ADCY9: variants seen among roughly 807,000 people sequenced by gnomAD.
The protein encoded by ADCY9 is adenylate cyclase type 9.
Under a neutral mutation model 101.5 loss-of-function variants are expected in ADCY9, and 50 were observed. The ratio of observed to expected loss-of-function variants is 0.49; its 90% CI spans 0.39 to 0.62. The LOEUF is 0.62. ADCY9 is among the 20% of genes least tolerant of loss of function. The probability of loss-of-function intolerance (pLI) is 0.00; values close to 1 mark genes in which losing one functional copy is unlikely to be tolerated. For missense variants in ADCY9, 1,662 were observed against 1,800.4 expected, an observed-to-expected ratio of 0.92 and a Z score of 1.39; for synonymous variants, 905 against 769.3, an observed-to-expected ratio of 1.18 and a Z score of -2.92.
intron 2 of ADCY9, among the ~76,000 whole-genome samples, chr16:4,044,027 G>C (rs1201656049): frequency 6.6e-6 from 1 of 151,904 alleles, no homozygotes; most frequent in Non-Finnish European, 1.5e-5. Flanking sequence ...AGCTTAACTA[G>C]AACCATCTAA....
At position 4,007,539 on chromosome 16, in the gene ADCY9, T is replaced by C; in HGVS notation, c.1713A>G (p.Ile571Met). The C allele has an allele frequency of 6.2e-7, 1 of 1,609,574 alleles. No individual in the cohort carries two copies. Among genetic ancestry groups the C allele is most frequent in the Non-Finnish European group, 8.5e-7 (1 of 1,178,684 alleles). Residue 571 changes from isoleucine (I) to methionine (M), a missense_variant, in exon 3 of 11, where the codon ATA becomes ATG. Ile to Met is a conservative substitution (Grantham distance 10). Around this residue, in one of 5 missense-constraint regions of ADCY9, gnomAD observed 624 missense variants for 639.1 expected, o/e 0.98. Transcript: ENST00000294016. Reference sequence around the variant, plus strand: ...GAGACTCCTTGGCTCTCTGACCCGATATCAGGTATGTCTTCAAACCTATGA... The same window carrying C: ...GAGACTCCTTGGCTCTCTGACCCGACATCAGGTATGTCTTCAAACCTATGA... ...DQLKGLKTYL[I>M]SGQRAKESRC...
At chr16:4,076,552 T>C (rs2056868450) in intron 2 of ADCY9, among the ~76,000 whole-genome samples, 1 of 152,222 alleles carries the variant, frequency 6.6e-6, no homozygotes, top group Non-Finnish European at 1.5e-5. Context: ...TAAGTGGATC[T>C]TGTGATAACC....
Position 4,114,943 on chromosome 16 carries a change from A to C in ADCY9, c.500T>G (p.Leu167Arg), listed in dbSNP as rs777817807. 3 of 1,613,876 alleles carry C rather than the reference A, an allele frequency of 1.9e-6. No individual in the cohort carries two copies. The highest frequency in any genetic ancestry group is 8.5e-7 in the Non-Finnish European group (1 of 1,180,044). ...VGFFLFTFTK[L>R]YARHYAWTSL... Reference sequence around the variant, plus strand: ...GGTCCACGCGTAATGCCGGGCGTACAGCTTGGTGAAGGTAAACAGAAAGAA... The same window carrying C: ...GGTCCACGCGTAATGCCGGGCGTACCGCTTGGTGAAGGTAAACAGAAAGAA... The change falls in exon 2 of 11, where the codon CTG becomes CGG. Residue 167 changes from leucine to arginine, a missense_variant. Physicochemically the swap from Leu to Arg is moderately radical, Grantham distance 102. This residue lies in a region of ADCY9 where 422 missense variants were observed against 392.0 expected (regional missense o/e 1.08). Transcript: ENST00000294016. This position sits in a 1 kb window ranked among gnomAD's most constrained non-coding sequence, Gnocchi z 4.3.
chr16:4,026,825 G>A (rs539264189), intron 2 of ADCY9, among the ~76,000 whole-genome samples: 12 of 152,312 alleles, frequency 7.9e-5, no homozygotes, highest in Non-Finnish European at 1.6e-4. Flanking sequence ...TTGCTGGGTC[G>A]GCAGGGGCCT....
chr16:4,043,998 C>T (rs775364477), intron 2 of ADCY9, among the ~76,000 whole-genome samples: 2 of 151,996 alleles, frequency 1.3e-5, no homozygotes, highest in Admixed American at 6.5e-5. Context: ...TAGTTTCTTC[C>T]TTTTTAAAAA....
At chr16:4,106,815 T>C (rs1054192520) in intron 2 of ADCY9, among the ~76,000 whole-genome samples, 3 of 152,176 alleles carry the variant, frequency 2.0e-5, no homozygotes, top group East Asian at 1.9e-4. Context: ...GCAAAGTACA[T>C]AGGCAACGCT....
chr16:4,036,514 G>A lies in ADCY9; in HGVS notation c.1694-28956C>T, dbSNP rs189154424. Among the ~76,000 whole-genome samples the A allele has an allele frequency of 2.7e-3, 377 of 141,292 alleles. 1 individual carries two copies. The highest frequency in any genetic ancestry group is 9.6e-3 in the African/African-American group (367 of 38,316). 92.7% of individuals were successfully genotyped at this position (141,292 alleles called of 152,430 possible). On this transcript the variant is annotated intron_variant, in intron 2 of 10. Coordinates refer to ENST00000294016, the MANE Select transcript of ADCY9 (RefSeq NM_001116.4). ...ATCTCGCTCTGTCACCCAGGCTGGA[G>A]TGCAGTGGTGCAATCTCGGCTCACT... is the stretch of plus-strand genomic sequence containing the variant.
intron 2 of ADCY9, among the ~76,000 whole-genome samples, chr16:4,010,733 C>T (rs754627906): frequency 3.5e-4 from 54 of 152,144 alleles, no homozygotes; most frequent in Non-Finnish European, 1.8e-4. Context: ...TGAGAAGCCT[C>T]AGGAAGGAAG....
rs1301275209 is a variant in ADCY9, at chr16:4,113,742, G to A, written c.1693+8C>T. On this transcript the variant is annotated splice_region_variant and intron_variant, in intron 2 of 10. Coordinates refer to ENST00000294016, the MANE Select transcript of ADCY9 (RefSeq NM_001116.4). Reference sequence around the variant, plus strand: ...AGGGGGGATGCCGAGGTAAAGCAGTGCACATACCTTTCAACTGGTCAGCAA... The same window carrying A: ...AGGGGGGATGCCGAGGTAAAGCAGTACACATACCTTTCAACTGGTCAGCAA... 1.2e-6 allele frequency: 2 copies of A among 1,609,778 alleles called. No homozygotes were observed. The highest frequency in any genetic ancestry group is 2.2e-5 in the East Asian group (1 of 44,782).
chr16:4,052,231 C>T (rs2056706244), intron 2 of ADCY9, among the ~76,000 whole-genome samples: 1 of 152,182 alleles, frequency 6.6e-6, no homozygotes, highest in Admixed American at 6.5e-5. Flanking sequence ...GGAACAGCCC[C>T]AGATTGAAGG....
intron 2 of ADCY9, among the ~76,000 whole-genome samples, chr16:4,106,126 G>A (rs925131011): frequency 2.6e-5 from 4 of 152,188 alleles, no homozygotes; most frequent in Admixed American, 6.5e-5. Context: ...TTTTTTACAA[G>A]TGCAATGCTA....
intron 2 of ADCY9, among the ~76,000 whole-genome samples, chr16:4,057,758 C>A (rs761902628): frequency 6.6e-6 from 1 of 152,130 alleles, no homozygotes; most frequent in Non-Finnish European, 1.5e-5. Flanking sequence ...GGAGCATTTA[C>A]GGCGTGTTCT....
chr16:4,065,528 C>A (rs895249851), intron 2 of ADCY9, among the ~76,000 whole-genome samples: 1 of 152,120 alleles, frequency 6.6e-6, no homozygotes, highest in Non-Finnish European at 1.5e-5. Flanking sequence ...GAATGTCGCA[C>A]GTCAATGTAC....
downstream of ADCY9, among the ~76,000 whole-genome samples, chr16:3,960,505 G>C (rs369364926): frequency 1.3e-3 from 202 of 152,250 alleles, no homozygotes; most frequent in African/African-American, 4.4e-3. Flanking sequence ...CTGGGCGAGA[G>C]AGCCAGACTC....
chr16:4,080,467 G>C (rs1260275323), intron 2 of ADCY9, among the ~76,000 whole-genome samples: 1 of 151,996 alleles, frequency 6.6e-6, no homozygotes, highest in African/African-American at 2.4e-5. Context: ...ACGTTGGCCA[G>C]GCTAGTCTCA....
intron 9 of ADCY9, 122 bp from the exon 10 acceptor site, chr16:3,974,832 A>T: frequency 4.1e-6 from 3 of 730,340 alleles, no homozygotes; most frequent in South Asian, 1.6e-5. Context: ...ATCCACATAA[A>T]GCCACCTGCT....
At chr16:4,055,542 A>G (rs1471543027) in intron 2 of ADCY9, among the ~76,000 whole-genome samples, 1 of 149,296 alleles carries the variant, frequency 6.7e-6, no homozygotes, top group Middle Eastern at 3.2e-3. Context: ...TCAAAAAGGA[A>G]AAAAAAAAAG....
chr16:4,078,905 T>C (rs1037145183), intron 2 of ADCY9, among the ~76,000 whole-genome samples: 2 of 152,074 alleles, frequency 1.3e-5, no homozygotes, highest in African/African-American at 2.4e-5. Context: ...AACACACATA[T>C]GAAAAAGAGA....
intron 5 of ADCY9, among the ~76,000 whole-genome samples, chr16:3,953,670 T>C (rs1189920782): frequency 6.6e-6 from 1 of 152,182 alleles, no homozygotes; most frequent in East Asian, 1.9e-4. Flanking sequence ...TGGATTTCCT[T>C]ATTCTGTGAC....
Sources: allele counts gnomAD v4.1 joint callset (sites outside exome capture counted in the v4.1 genomes callset), GRCh38; gene constraint gnomAD v4.1.1; regional missense constraint gnomAD v4.1.1; non-coding constraint Gnocchi (gnomAD v3.1); transcripts MANE v1.5; gene names NCBI Gene and HGNC (gene_info 2026-07-23, HGNC 2026-07-21).